Variants in CFAP57 observed in about 807,000 individuals in gnomAD.
CFAP57 encodes cilia- and flagella-associated protein 57.
In CFAP57, 116 loss-of-function variants were observed where a neutral mutation model predicts 146.8. The ratio of observed to expected loss-of-function variants is 0.79; its 90% CI spans 0.68 to 0.92. The LOEUF is 0.92. Ranked by LOEUF, CFAP57 falls within the 40% of genes least tolerant of loss-of-function variation. The pLI is 0.00. For missense variants in CFAP57, 1,377 were observed against 1,527.2 expected, an observed-to-expected ratio of 0.90 and a Z score of 1.64; for synonymous variants, 518 against 552.8, an observed-to-expected ratio of 0.94 and a Z score of 0.88.
chr1:43,232,716 C>T, intron 19 of CFAP57, 92 bp downstream of exon 19: 1 of 822,336 alleles, frequency 1.2e-6, no homozygotes, highest in African/African-American at 1.7e-5. Context: ...AGAGCCAGCC[C>T]ACTGCGAGGA....
At chr1:43,174,634 A>T (rs895288035) in intron 2 of CFAP57, among the ~76,000 whole-genome samples, 1 of 152,056 alleles carries the variant, frequency 6.6e-6, no homozygotes, top group Non-Finnish European at 1.5e-5. Context: ...TCGCCAACAT[A>T]GTGAAACCCC....
intron 2 of CFAP57, chr1:43,176,973 C>T (rs1032471436): frequency 8.1e-6 from 3 of 369,934 alleles, no homozygotes; most frequent in Admixed American, 3.3e-5. Flanking sequence ...TGGTAAGAAC[C>T]GGGGGGTGAG....
intron 6 of CFAP57, among the ~76,000 whole-genome samples, chr1:43,195,436 C>T (rs1308216261): frequency 2.6e-5 from 4 of 151,840 alleles, no homozygotes; most frequent in Non-Finnish European, 5.9e-5. Context: ...GCAGGAGAAT[C>T]GCTTGAACCT....
At chr1:43,247,750 T>C (rs1226706362) in intron 22 of CFAP57, among the ~76,000 whole-genome samples, 2 of 152,220 alleles carry the variant, frequency 1.3e-5, no homozygotes, top group Admixed American at 1.3e-4. Flanking sequence ...GAAAACTACA[T>C]ATGACTTACA....
chr1:43,240,596 G>C (rs545619513), intron 21 of CFAP57, among the ~76,000 whole-genome samples: 2 of 152,296 alleles, frequency 1.3e-5, no homozygotes, highest in South Asian at 4.1e-4. Flanking sequence ...ACAAATCCTA[G>C]CATGAAGAAT....
chr1:43,221,583 C>A (rs961177122), intron 14 of CFAP57, 118 bp downstream of exon 14: 34 of 608,472 alleles, frequency 5.6e-5, no homozygotes, highest in Middle Eastern at 3.1e-4. Context: ...TGTCTAAAAA[C>A]AGGCTACATG....
In CFAP57 at chr1:43,201,305, A is replaced by G. The variant is rs975826012; in HGVS notation, c.1542+1802A>G. Reference sequence around the variant, plus strand: ...AGATACAAAGAGAACTTGGAATCAGATAATTATCTCAAAGAAGCCAAGGAA... The same window carrying G: ...AGATACAAAGAGAACTTGGAATCAGGTAATTATCTCAAAGAAGCCAAGGAA... On this transcript the variant is annotated intron_variant, in intron 9 of 22. Transcript: ENST00000372492. The surrounding 1 kb of genome is among the most constrained non-coding windows in gnomAD (Gnocchi z 4.4). Among the ~76,000 whole-genome samples the G allele has an allele frequency of 1.3e-5, 2 of 152,226 alleles. No homozygotes were observed. Among genetic ancestry groups the G allele is most frequent in the Non-Finnish European group, 2.9e-5 (2 of 68,042 alleles).
At chr1:43,210,739 G>C (rs1644568121) in intron 11 of CFAP57, 1 of 152,670 alleles carries the variant, frequency 6.6e-6, no homozygotes, top group Non-Finnish European at 1.5e-5. Context: ...TATGGGGGTA[G>C]TTGGTGGCAA....
At chr1:43,227,273 G>A in intron 18 of CFAP57, 147 bp downstream of exon 18, 1 of 1,026,908 alleles carries the variant, frequency 9.7e-7, no homozygotes, top group Non-Finnish European at 1.3e-6. Flanking sequence ...CCACAGGGGT[G>A]CAACAGGGAA....
In CFAP57 at chr1:43,240,866, G is replaced by A. The variant is rs185301105; in HGVS notation, c.3406-2361G>A. Reference sequence around the variant, plus strand: ...TAGGAGAGGAGAAGGGGCCGGTCTCGCTCTGTCGCCCAGGCTGGAGTGCAG... The same window carrying A: ...TAGGAGAGGAGAAGGGGCCGGTCTCACTCTGTCGCCCAGGCTGGAGTGCAG... On this transcript the variant is annotated intron_variant, in intron 21 of 22. Transcript: ENST00000372492. Among the ~76,000 whole-genome samples, 62 of 152,268 alleles carry A rather than the reference G, an allele frequency of 4.1e-4. No homozygotes were observed. In the East Asian group the frequency reaches 9.9e-3, roughly 24 times the overall value.
intron 2 of CFAP57, among the ~76,000 whole-genome samples, chr1:43,178,931 T>C (rs112381433): frequency 6.6e-6 from 1 of 152,136 alleles, no homozygotes; most frequent in South Asian, 2.1e-4. Context: ...GTGGCACATA[T>C]ACACCATGGA....
chr1:43,234,750 G>GA, intron 21 of CFAP57, 112 bp downstream of exon 21: 1 of 1,305,292 alleles, frequency 7.7e-7, no homozygotes, highest in Non-Finnish European at 1.0e-6. Context: ...GGTGTCTGGG[G>GA]GCCCAGTAGC....
chr1:43,197,474 A>G lies in CFAP57; in HGVS notation c.1123-79A>G, dbSNP rs1643913701. On this transcript the variant is annotated intron_variant, in intron 6 of 22. Coordinates refer to ENST00000372492, the MANE Select transcript of CFAP57 (RefSeq NM_001378189.1). Reference sequence around the variant, plus strand: ...TGTGCACCCAGGCTAATTAATGTTCATGGGAACTAATTAGAGCTGACATGT... The same window carrying G: ...TGTGCACCCAGGCTAATTAATGTTCGTGGGAACTAATTAGAGCTGACATGT... 3.8e-6 allele frequency: 6 copies of G among 1,592,400 alleles called. No individual in the cohort carries two copies. In the East Asian group the frequency reaches 1.1e-4, roughly 30 times the overall value.
intron 19 of CFAP57, among the ~76,000 whole-genome samples, chr1:43,232,991 A>G (rs1570278670): frequency 6.6e-6 from 1 of 152,220 alleles, no homozygotes; most frequent in South Asian, 2.1e-4. Flanking sequence ...GGGAACCTCA[A>G]AGGTCATTGA....
intron 12 of CFAP57, 24 bp from the exon 13 acceptor site, chr1:43,219,358 G>A (rs1451820186): frequency 6.5e-7 from 1 of 1,541,154 alleles, no homozygotes; most frequent in South Asian, 1.2e-5. Flanking sequence ...CAGTGTTCTT[G>A]ATCCTTCTGT....
rs1645025689 is a variant in CFAP57, at chr1:43,172,762, C to T, written c.9C>T (p.Ala3=). The T allele has an allele frequency of 1.2e-6, 2 of 1,614,096 alleles. No individual in the cohort carries two copies. Among genetic ancestry groups the T allele is most frequent in the East Asian group, 4.5e-5 (2 of 44,884 alleles). Residue 3 remains alanine, a synonymous_variant, in exon 2 of 23, where the codon GCC becomes GCT. Transcript: ENST00000372492. ...CTGTTTGGCGGGAGATCATGTCAGC[C>T]GTGGTAGCTCAGACGCTGCATGTTT... MS[A]VVAQTLHVFG... is the part of the protein sequence containing the mutation.
intron 10 of CFAP57, among the ~76,000 whole-genome samples, chr1:43,208,873 G>A (rs564040741): frequency 6.6e-6 from 1 of 152,204 alleles, no homozygotes; most frequent in East Asian, 1.9e-4. Context: ...AGGGAATGAA[G>A]GGGCGCTCTG....
At chr1:43,210,461 G>T (rs1005849667) in intron 11 of CFAP57, 15 of 1,075,452 alleles carry the variant, frequency 1.4e-5, no homozygotes, top group South Asian at 2.7e-5. Flanking sequence ...GCAAAAGATG[G>T]TATATCTATA....
In CFAP57 at chr1:43,232,559, A is replaced by G. The variant is rs1456379068; in HGVS notation, c.3061A>G (p.Asn1021Asp). The G allele has an allele frequency of 3.2e-6, 5 of 1,550,186 alleles. No homozygotes were observed. The highest frequency in any genetic ancestry group is 2.6e-6 in the Non-Finnish European group (3 of 1,146,644). The stretch of plus-strand genomic sequence containing the variant: ...TAAGCAGAACACTCAACTGGAGCTG[A>G]ACATCACAGAATTGTGGCAGAAACT... ...FHKQNTQLEL[N>D]ITELWQKLRA... The change falls in exon 19 of 23, where the codon AAC (asparagine) becomes GAC (aspartate). Residue 1021 changes from asparagine (N) to aspartate (D), a missense_variant. Coordinates refer to ENST00000372492, the MANE Select transcript of CFAP57 (RefSeq NM_001378189.1).
Sources: allele counts gnomAD v4.1 joint callset (sites outside exome capture counted in the v4.1 genomes callset), GRCh38; gene constraint gnomAD v4.1.1; non-coding constraint Gnocchi (gnomAD v3.1); transcripts MANE v1.5; gene names NCBI Gene and HGNC (gene_info 2026-07-23, HGNC 2026-07-21).